The following TBC1D1 variants were observed in gnomAD, a reference collection of about 807,000 sequenced individuals.
The protein encoded by TBC1D1 is TBC1 (tre-2/USP6, BUB2, cdc16) domain family, member 1.
Under a neutral mutation model 125.6 loss-of-function variants are expected in TBC1D1, and 89 were observed. The ratio of observed to expected loss-of-function variants is 0.71; its 90% CI spans 0.60 to 0.85. The LOEUF (loss-of-function observed/expected upper bound fraction) is 0.85, where lower values mean the gene tolerates loss of function less well. Ranked by LOEUF, TBC1D1 falls within the 40% of genes least tolerant of loss-of-function variation. The pLI is 0.00. For missense variants in TBC1D1, 1,377 were observed against 1,469.2 expected (o/e 0.94, Z 1.03); for synonymous variants, 565 against 564.1 (o/e 1.00, Z -0.02).
chr4:38,127,154 T>C (rs1764790021), intron 18 of TBC1D1, among the ~76,000 whole-genome samples: 1 of 151,910 alleles, frequency 6.6e-6, no homozygotes, highest in Non-Finnish European at 1.5e-5. Context: ...GCTGACATTG[T>C]TTACCTCCTA....
At chr4:37,894,000 T>G (rs975244694) in intron 1 of TBC1D1, among the ~76,000 whole-genome samples, 4 of 151,908 alleles carry the variant, frequency 2.6e-5, no homozygotes, top group African/African-American at 9.7e-5. Context: ...ACTTTTTTTT[T>G]TTTTTTTGAA....
chr4:38,104,518 G>A (rs999665835), intron 15 of TBC1D1, among the ~76,000 whole-genome samples: 1 of 152,180 alleles, frequency 6.6e-6, no homozygotes, highest in Admixed American at 6.5e-5. Context: ...GGGCCCTGCT[G>A]CTTTTAGAGC....
intron 1 of TBC1D1, among the ~76,000 whole-genome samples, chr4:37,895,031 A>G (rs1203633898): frequency 6.6e-6 from 1 of 152,238 alleles, no homozygotes; most frequent in African/African-American, 2.4e-5. Flanking sequence ...ATGAAGTGGT[A>G]GGTGGTCAAC....
intron 12 of TBC1D1, among the ~76,000 whole-genome samples, chr4:38,089,085 G>A (rs888325854): frequency 6.6e-6 from 1 of 152,156 alleles, no homozygotes; most frequent in Non-Finnish European, 1.5e-5. Flanking sequence ...TTTAGATATA[G>A]GAAACATTTG....
At chr4:38,093,516 T>G (rs1021026300) in intron 13 of TBC1D1, among the ~76,000 whole-genome samples, 6 of 133,124 alleles carry the variant, frequency 4.5e-5, no homozygotes, top group African/African-American at 2.1e-4. Context: ...TGCAAGGCCG[T>G]TTTCCCCCCC....
rs182916650 is a variant in TBC1D1, at chr4:38,020,253, G to T, written c.973-338G>T. 2.0e-5 allele frequency among the ~76,000 whole-genome samples: 3 copies of T among 152,286 alleles called. No individual in the cohort carries two copies. The East Asian group carries it at 5.8e-4, about 29-fold the overall frequency. On this transcript the variant is annotated intron_variant, in intron 4 of 19. Coordinates refer to ENST00000261439, the MANE Select transcript of TBC1D1 (RefSeq NM_015173.4). ...TGTAATCCCAGCACTTTGGGAGGCT[G>T]AGGTGAGTGGATTACCTGAGGTCAG...
chr4:38,084,248 T>TA (rs1051992469), intron 12 of TBC1D1, among the ~76,000 whole-genome samples: 16 of 152,258 alleles, frequency 1.1e-4, no homozygotes, highest in African/African-American at 3.9e-4. Flanking sequence ...ATGTTGTCTT[T>TA]AAAAAATTCT....
intron 2 of TBC1D1, among the ~76,000 whole-genome samples, chr4:37,963,723 C>T (rs1730508884): frequency 6.6e-6 from 1 of 152,200 alleles, no homozygotes; most frequent in South Asian, 2.1e-4. Flanking sequence ...GTAGTAATTA[C>T]ATGGGTGTCT....
At chr4:37,933,048 T>C (rs1723595863) in intron 2 of TBC1D1, among the ~76,000 whole-genome samples, 2 of 145,572 alleles carry the variant, frequency 1.4e-5, no homozygotes, top group Admixed American at 1.4e-4. Context: ...TGAGACTCCA[T>C]TTAAAAACAA....
intron 12 of TBC1D1, among the ~76,000 whole-genome samples, chr4:38,058,616 A>G (rs1014276475): frequency 2.6e-5 from 4 of 152,210 alleles, no homozygotes; most frequent in African/African-American, 9.7e-5. Flanking sequence ...TTTTACATTT[A>G]TATTCTGGCA....
chr4:38,045,346 G>A (rs770876769), intron 9 of TBC1D1, among the ~76,000 whole-genome samples: 13 of 151,900 alleles, frequency 8.6e-5, no homozygotes, highest in Admixed American at 4.6e-4. Context: ...TATTTTCTTC[G>A]AAGATGTTTC....
At chr4:38,095,863 A>G (rs1365612454) in intron 13 of TBC1D1, 66 bp from the exon 16 acceptor site, 2 of 1,492,454 alleles carry the variant, frequency 1.3e-6, no homozygotes, top group South Asian at 2.7e-5. Context: ...GTAGGCAGCC[A>G]TGTTGTGTAA....
intron 2 of TBC1D1, among the ~76,000 whole-genome samples, chr4:37,992,893 C>T (rs1329412451): frequency 6.6e-6 from 1 of 151,516 alleles, no homozygotes; most frequent in Non-Finnish European, 1.5e-5. Context: ...CAACCTCCGC[C>T]TCCTGGGTTC....
intron 2 of TBC1D1, among the ~76,000 whole-genome samples, chr4:37,923,795 T>C (rs1721517959): frequency 1.3e-5 from 2 of 151,050 alleles, no homozygotes; most frequent in Non-Finnish European, 2.9e-5. Context: ...TTCTCCTGCC[T>C]CAGCCTCCCA....
At chr4:37,916,130 C>T (rs1367602767) in intron 2 of TBC1D1, among the ~76,000 whole-genome samples, 1 of 152,178 alleles carries the variant, frequency 6.6e-6, no homozygotes, top group Non-Finnish European at 1.5e-5. Flanking sequence ...GAAATGCATT[C>T]ATACAAAAGA....
rs188252535 is a variant in TBC1D1 at position 37,977,782 on chromosome 4, C to G, written c.418-36727C>G. Among the ~76,000 whole-genome samples, 2 of 152,240 alleles carry G rather than the reference C, an allele frequency of 1.3e-5. No individual in the cohort carries two copies. The highest frequency in any genetic ancestry group is 2.9e-5 in the Non-Finnish European group (2 of 68,002). The stretch of plus-strand genomic sequence containing the variant: ...GAGACTGAGGCTGTACTCGGGGACC[C>G]CTGCGGGAGCCCGAACCCAGCAGGC... On this transcript the variant is annotated intron_variant, in intron 2 of 19. Transcript: ENST00000261439. This position sits in a 1 kb window ranked among gnomAD's most constrained non-coding sequence, Gnocchi z 4.3.
chr4:37,933,871 G>A (rs1181896346), intron 2 of TBC1D1, among the ~76,000 whole-genome samples: 1 of 151,948 alleles, frequency 6.6e-6, no homozygotes, highest in Non-Finnish European at 1.5e-5. Flanking sequence ...GTTAATTTGG[G>A]GAAAAAAAAG....
At chr4:38,070,329 G>C (rs1480745725) in intron 12 of TBC1D1, among the ~76,000 whole-genome samples, 1 of 152,204 alleles carries the variant, frequency 6.6e-6, no homozygotes, top group African/African-American at 2.4e-5. Flanking sequence ...AAGCAAAATA[G>C]TTGTCATGTG....
intron 3 of TBC1D1, among the ~76,000 whole-genome samples, chr4:38,017,553 C>T (rs1743023697): frequency 1.3e-5 from 2 of 152,206 alleles, no homozygotes; most frequent in African/African-American, 4.8e-5. Flanking sequence ...CCTTGACTTA[C>T]ACCCCAGTTT....
Sources: gnomAD v4.1 joint callset for allele counts (sites outside exome capture counted in the v4.1 genomes callset) on GRCh38, gnomAD v4.1.1 for gene constraint, Gnocchi (gnomAD v3.1) non-coding constraint, MANE v1.5 for transcripts, NCBI Gene and HGNC (gene_info 2026-07-23, HGNC 2026-07-21) for gene names.